The following THSD4 variants were observed in gnomAD, a reference collection of about 807,000 sequenced individuals.
The protein encoded by THSD4 is thrombospondin type-1 domain-containing protein 4.
A neutral mutation model predicts 119.0 loss-of-function variants in THSD4; 69 were observed. The observed-to-expected ratio is 0.58, with a 90% confidence interval of 0.48 to 0.71. The LOEUF is 0.71. THSD4 is among the 30% of genes least tolerant of loss of function. THSD4 has a pLI of 0.00. For missense variants in THSD4, 1,393 were observed against 1,391.1 expected (o/e 1.00, Z -0.02); for synonymous variants, 524 against 540.4 (o/e 0.97, Z 0.42).
chr15:71,655,737 TCTC>T (rs2051177530), intron 7 of THSD4, among the ~76,000 whole-genome samples: 1 of 152,194 alleles, frequency 6.6e-6, no homozygotes, highest in Admixed American at 6.5e-5. Context: ...GAACGCATAT[TCTC>T]CTGCCCACCC....
intron 7 of THSD4, among the ~76,000 whole-genome samples, chr15:71,436,809 G>T (rs2047019546): frequency 6.6e-6 from 1 of 152,212 alleles, no homozygotes; most frequent in Admixed American, 6.5e-5. Context: ...TGAGGGAAAT[G>T]TGGCAATTTG....
intron 3 of THSD4, among the ~76,000 whole-genome samples, chr15:71,158,445 G>A (rs545195739): frequency 5.9e-5 from 9 of 152,236 alleles, no homozygotes; most frequent in Non-Finnish European, 7.4e-5. Context: ...GAGCCACCGC[G>A]CCTGGCCAAC....
intron 8 of THSD4, among the ~76,000 whole-genome samples, chr15:71,712,239 A>G (rs962176043): frequency 6.6e-6 from 1 of 152,214 alleles, no homozygotes; most frequent in Non-Finnish European, 1.5e-5. Context: ...AAAAAATAAC[A>G]TAGGAATGAA....
intron 1 of THSD4, among the ~76,000 whole-genome samples, chr15:71,102,052 A>G (rs762239852): frequency 1.4e-4 from 22 of 152,000 alleles, no homozygotes; most frequent in Non-Finnish European, 2.6e-4. Context: ...ATGTTATTCT[A>G]CTTCCCTCCA....
rs112390962 is a variant in THSD4 at position 71,491,376 on chromosome 15, G to A, written c.1152+79553G>A. On this transcript the variant is annotated intron_variant, in intron 7 of 17. Coordinates refer to ENST00000261862, the MANE Select transcript of THSD4 (RefSeq NM_024817.3). The stretch of plus-strand genomic sequence containing the variant: ...GGTATTTGAGAGGTGGTACCTCTGG[G>A]AGATAATTAGGATTAGCTCAGGTCA... Among the ~76,000 whole-genome samples, 624 of 152,332 alleles carry A rather than the reference G, an allele frequency of 4.1e-3. 7 individuals carry two copies. Among genetic ancestry groups the A allele is most frequent in the East Asian group, 0.026 (137 of 5,188 alleles).
At chr15:71,616,099 G>C (rs1277555914) in intron 7 of THSD4, among the ~76,000 whole-genome samples, 1 of 152,050 alleles carries the variant, frequency 6.6e-6, no homozygotes, top group Non-Finnish European at 1.5e-5. Flanking sequence ...AAATGTCCAT[G>C]TTTTCAAAAT....
intron 7 of THSD4, among the ~76,000 whole-genome samples, chr15:71,573,191 C>T (rs2049391097): frequency 6.6e-6 from 1 of 152,162 alleles, no homozygotes; most frequent in African/African-American, 2.4e-5. Flanking sequence ...GGAATCATGA[C>T]TTGTTTACTG....
intron 7 of THSD4, among the ~76,000 whole-genome samples, chr15:71,468,291 C>T (rs535713456): frequency 5.9e-5 from 9 of 152,204 alleles, no homozygotes; most frequent in African/African-American, 2.2e-4. Flanking sequence ...GTCAGTTAAG[C>T]CTCTTTCCTT....
chr15:71,589,049 T>C (rs1233177508), intron 7 of THSD4, among the ~76,000 whole-genome samples: 1 of 152,238 alleles, frequency 6.6e-6, no homozygotes, highest in East Asian at 1.9e-4. Context: ...TTTCTTTTTT[T>C]GCTGGAGAGT....
intron 8 of THSD4, among the ~76,000 whole-genome samples, chr15:71,718,042 G>C (rs1312687357): frequency 6.6e-6 from 1 of 151,988 alleles, no homozygotes; most frequent in Admixed American, 6.6e-5. Context: ...TCAGCTACTC[G>C]GGAGGCTAAG....
intron 7 of THSD4, among the ~76,000 whole-genome samples, chr15:71,422,576 A>G (rs535297860): frequency 8.5e-5 from 13 of 152,302 alleles, no homozygotes; most frequent in African/African-American, 2.4e-4. Flanking sequence ...GCCTGGAATC[A>G]GGGAAGGGGT....
At chr15:71,386,415 C>T (rs2046293776) in intron 6 of THSD4, among the ~76,000 whole-genome samples, 1 of 152,010 alleles carries the variant, frequency 6.6e-6, no homozygotes, top group Non-Finnish European at 1.5e-5. Flanking sequence ...CTGCCCAAAG[C>T]ATGTGGAGAA....
chr15:71,702,313 C>T (rs1295367838), intron 8 of THSD4, among the ~76,000 whole-genome samples: 1 of 152,154 alleles, frequency 6.6e-6, no homozygotes, highest in African/African-American at 2.4e-5. Flanking sequence ...TTAATTGATT[C>T]ATTTCATCAT....
At chr15:71,097,023 T>C (rs997765236) in intron 1 of THSD4, 8 of 152,352 alleles carry the variant, frequency 5.3e-5, no homozygotes, top group African/African-American at 1.9e-4. Flanking sequence ...GATATTGCTT[T>C]ATATTAGGGG....
intron 7 of THSD4, among the ~76,000 whole-genome samples, chr15:71,435,010 A>C (rs992204665): frequency 6.6e-6 from 1 of 152,196 alleles, no homozygotes; most frequent in Non-Finnish European, 1.5e-5. Context: ...TAAGACAGTT[A>C]GAAGAAAAAA....
chr15:71,711,148 A>T (rs1280709786), intron 8 of THSD4, among the ~76,000 whole-genome samples: 1 of 150,474 alleles, frequency 6.6e-6, no homozygotes, highest in Non-Finnish European at 1.5e-5. Context: ...TGAAATACAC[A>T]TGGCAAATAT....
Position 71,205,871 on chromosome 15 carries a change from T to C in THSD4, c.100-9164T>C, listed in dbSNP as rs373897392. On this transcript the variant is annotated intron_variant, in intron 3 of 17. Coordinates refer to ENST00000261862, the MANE Select transcript of THSD4 (RefSeq NM_024817.3). ...TCTGGCTGGAGTCTGGAGATTCTCT[T>C]TTTTTTTTTTTTTTTGAGATGGAAT... 2.4e-3 allele frequency among the ~76,000 whole-genome samples: 352 copies of C among 148,574 alleles called. 7 individuals are homozygous for C. The East Asian group carries it at 0.052, about 22-fold the overall frequency.
chr15:71,703,436 G>A (rs998682510), intron 8 of THSD4, among the ~76,000 whole-genome samples: 2 of 152,168 alleles, frequency 1.3e-5, no homozygotes, highest in Admixed American at 6.5e-5. Context: ...ATTAGCTTAT[G>A]TCATTTGCTC....
intron 7 of THSD4, among the ~76,000 whole-genome samples, chr15:71,619,149 T>C (rs1221949122): frequency 6.6e-6 from 1 of 151,040 alleles, no homozygotes; most frequent in Non-Finnish European, 1.5e-5. Flanking sequence ...TTTGTATTTT[T>C]TTAGTGGAGA....
Sources: allele counts gnomAD v4.1 joint callset (sites outside exome capture counted in the v4.1 genomes callset), GRCh38; gene constraint gnomAD v4.1.1; transcripts MANE v1.5; gene names NCBI Gene and HGNC (gene_info 2026-07-23, HGNC 2026-07-21).